The following IQGAP1 variants were observed in gnomAD, a reference collection of about 807,000 sequenced individuals.
IQGAP1 encodes ras GTPase-activating-like protein IQGAP1.
A neutral mutation model predicts 215.6 loss-of-function variants in IQGAP1; 66 were observed. The ratio of observed to expected loss-of-function variants is 0.31; its 90% confidence interval spans 0.25 to 0.38. The LOEUF (loss-of-function observed/expected upper bound fraction) is 0.38, where lower values mean the gene tolerates loss of function less well. Among genes scored for constraint, IQGAP1 ranks in the 10% least tolerant of loss-of-function variants. The probability of loss-of-function intolerance (pLI) is 1.00; values close to 1 mark genes in which losing one functional copy is unlikely to be tolerated. For synonymous variants in IQGAP1, 772 were observed against 728.7 expected (o/e 1.06, Z -0.96); for missense variants, 1,712 against 1,997.1 (o/e 0.86, Z 2.72).
intron 2 of IQGAP1, among the ~76,000 whole-genome samples, chr15:90,409,363 G>A (rs1423003187): frequency 2.0e-5 from 3 of 150,968 alleles, no homozygotes; most frequent in African/African-American, 7.3e-5. Flanking sequence ...TCAGCCTCCT[G>A]AGTAGCTGAG....
chr15:90,400,012 T>G (rs1964783077), intron 2 of IQGAP1, among the ~76,000 whole-genome samples: 2 of 152,146 alleles, frequency 1.3e-5, no homozygotes, highest in Admixed American at 6.6e-5. Context: ...ACAAGTAACT[T>G]GATTTTTTTT....
At chr15:90,433,148 C>T (rs780828597) in intron 4 of IQGAP1, among the ~76,000 whole-genome samples, 70 of 152,192 alleles carry the variant, frequency 4.6e-4, no homozygotes, top group Non-Finnish European at 9.7e-4. Context: ...TCCAAATTCC[C>T]TCATACATGC....
intron 2 of IQGAP1, among the ~76,000 whole-genome samples, chr15:90,406,870 G>A (rs774822561): frequency 1.2e-4 from 19 of 152,300 alleles, no homozygotes; most frequent in Non-Finnish European, 2.4e-4. Flanking sequence ...TGGGAATAAC[G>A]TTGGTGGGAA....
chr15:90,469,485 C>G (rs77997435), intron 18 of IQGAP1, among the ~76,000 whole-genome samples: 2,240 of 152,262 alleles, frequency 0.015, 45 homozygotes, highest in African/African-American at 0.051. Context: ...ATCTTCATTG[C>G]TAATGATTTC....
chr15:90,482,306 T>A, intron 28 of IQGAP1, 25 bp downstream of exon 28: 3 of 1,606,834 alleles, frequency 1.9e-6, no homozygotes, highest in Non-Finnish European at 1.7e-6. Context: ...GCCGGCAGAC[T>A]CCTGCCCTTT....
At chr15:90,474,994 CT>C (rs771704265) in intron 23 of IQGAP1, 3,332 of 119,436 alleles carry the variant, frequency 0.028, 1 homozygote, top group South Asian at 0.086. Context: ...TGATTTTTGG[CT>C]TTTTTTTTTT....
intron 34 of IQGAP1, 120 bp from the exon 35 acceptor site, chr15:90,492,419 TAAAAAA>T (rs56724183): frequency 9.4e-5 from 35 of 371,022 alleles, no homozygotes; most frequent in African/African-American, 3.6e-4. Context: ...ACAGAGTGTC[TAAAAAA>T]AAAAAAAAAA....
chr15:90,421,865 T>C (rs780253180), intron 2 of IQGAP1, among the ~76,000 whole-genome samples: 140 of 152,334 alleles, frequency 9.2e-4, no homozygotes, highest in Non-Finnish European at 1.4e-3. Flanking sequence ...CTCACCCTGT[T>C]GGCCAGGTTT....
intron 26 of IQGAP1, among the ~76,000 whole-genome samples, chr15:90,478,786 G>A (rs1324071280): frequency 6.6e-6 from 1 of 152,180 alleles, no homozygotes; most frequent in Admixed American, 6.5e-5. Context: ...ATATAGATTG[G>A]GTGAGATCAC....
At chr15:90,418,866 A>T (rs889453060) in intron 2 of IQGAP1, among the ~76,000 whole-genome samples, 8 of 151,918 alleles carry the variant, frequency 5.3e-5, no homozygotes, top group Non-Finnish European at 1.0e-4. Flanking sequence ...TATCAGCTTC[A>T]TACTGGTTCG....
intron 15 of IQGAP1, among the ~76,000 whole-genome samples, chr15:90,465,363 T>G (rs529043517): frequency 2.6e-5 from 4 of 152,340 alleles, no homozygotes; most frequent in African/African-American, 9.6e-5. Context: ...CCCTGGCCCT[T>G]GTCACCCTGT....
chr15:90,472,475 T>A (rs903355561), intron 18 of IQGAP1, among the ~76,000 whole-genome samples: 20 of 152,158 alleles, frequency 1.3e-4, no homozygotes, highest in African/African-American at 4.8e-4. Flanking sequence ...TAGGGGTCCC[T>A]CGGTACGTGG....
At chr15:90,468,457 T>C (rs1965861598) in intron 18 of IQGAP1, among the ~76,000 whole-genome samples, 2 of 152,252 alleles carry the variant, frequency 1.3e-5, no homozygotes, top group Admixed American at 1.3e-4. Flanking sequence ...GTCTCTGCTG[T>C]CATGAGATGT....
chr15:90,487,660 G>A, intron 33 of IQGAP1, 78 bp downstream of exon 33: 1 of 966,322 alleles, frequency 1.0e-6, no homozygotes, highest in Non-Finnish European at 1.6e-6. Flanking sequence ...GAAAGGAGGG[G>A]AGACACAAAT....
intron 18 of IQGAP1, among the ~76,000 whole-genome samples, chr15:90,468,504 C>T (rs1567136383): frequency 6.6e-6 from 1 of 152,180 alleles, no homozygotes; most frequent in African/African-American, 2.4e-5. Flanking sequence ...AAATTCTTTC[C>T]TTCCCTTTGT....
intron 36 of IQGAP1, among the ~76,000 whole-genome samples, chr15:90,495,290 A>G (rs1477861063): frequency 1.3e-5 from 2 of 152,202 alleles, no homozygotes; most frequent in African/African-American, 4.8e-5. Flanking sequence ...TCCTGGGCCC[A>G]GCGTCATTAG....
rs758702782 is a variant in IQGAP1 at position 90,474,690 on chromosome 15, G to A, written c.2781G>A (p.Leu927=). ...IGLLVKNKIT[L]QDVVSHSKKL... is the part of the protein sequence containing the mutation. ...TGCTAGTGAAAAATAAGATTACGTT[G>A]CAGGTATGGCCCAGTGCCAGCGGGG... The change falls in exon 23 of 38, where the codon TTG becomes TTA. Residue 927 remains leucine, a synonymous_variant. Transcript: ENST00000268182. 1.9e-6 allele frequency: 3 copies of A among 1,610,500 alleles called. No homozygotes were observed. The highest frequency in any genetic ancestry group is 3.3e-5 in the Admixed American group (2 of 60,024).
intron 2 of IQGAP1, among the ~76,000 whole-genome samples, chr15:90,393,097 T>TG (rs1303263397): frequency 9.4e-6 from 1 of 106,238 alleles, no homozygotes; most frequent in South Asian, 3.3e-4. Flanking sequence ...TAGAATCACC[T>TG]GGGGAACTTA....
At chr15:90,497,790 G>T (rs1442127446) in intron 37 of IQGAP1, among the ~76,000 whole-genome samples, 1 of 152,096 alleles carries the variant, frequency 6.6e-6, no homozygotes, top group African/African-American at 2.4e-5. Context: ...AAAAGAACTC[G>T]GGAGTAATTC....
Sources: allele counts gnomAD v4.1 joint callset (sites outside exome capture counted in the v4.1 genomes callset), GRCh38; gene constraint gnomAD v4.1.1; transcripts MANE v1.5; gene names NCBI Gene and HGNC (gene_info 2026-07-23, HGNC 2026-07-21).